Variants in PRKG1 observed in about 807,000 individuals in gnomAD.
The protein encoded by PRKG1 is protein kinase cGMP-dependent 1, also known as cGMP-dependent protein kinase 1.
A neutral mutation model predicts 88.1 loss-of-function variants in PRKG1; 35 were observed. That is an observed-to-expected ratio of 0.40 (90% CI 0.30 to 0.53). The LOEUF is 0.53. Among genes scored for constraint, PRKG1 ranks in the 20% least tolerant of loss-of-function variants. The pLI is 0.59. For synonymous variants in PRKG1, 303 were observed against 292.5 expected (o/e 1.04, Z -0.37); for missense variants, 540 against 839.8 (o/e 0.64, Z 4.41).
rs1041497662 is a variant in PRKG1, at chr10:51,289,686, G to A, written c.478+136356G>A. ...AGATTCCATGAGAGAGAGAGAGAGAGAGAGTTTGTGGGGTGTGTGTCTGGG... is the reference window on the plus strand; with the variant it reads ...AGATTCCATGAGAGAGAGAGAGAGAAAGAGTTTGTGGGGTGTGTGTCTGGG... On this transcript the variant is annotated intron_variant, in intron 2 of 17. Transcript: ENST00000373980. Among the ~76,000 whole-genome samples the A allele has an allele frequency of 3.7e-4, 56 of 152,060 alleles. 2 individuals are homozygous for A. The highest frequency in any genetic ancestry group is 1.5e-5 in the Non-Finnish European group (1 of 68,002).
intron 2 of PRKG1, among the ~76,000 whole-genome samples, chr10:51,417,549 T>C (rs1444681534): frequency 1.3e-5 from 2 of 152,160 alleles, no homozygotes; most frequent in African/African-American, 2.4e-5. Flanking sequence ...ATTAAGGTCA[T>C]AAAATGATAA....
chr10:51,061,909 A>C (rs557635919), intron 1 of PRKG1, among the ~76,000 whole-genome samples: 1 of 152,226 alleles, frequency 6.6e-6, no homozygotes, highest in Non-Finnish European at 1.5e-5. Context: ...ATTTCTGATA[A>C]TTCCAATATC....
At chr10:52,269,611 C>T (rs1426711545) in intron 10 of PRKG1, among the ~76,000 whole-genome samples, 5 of 151,992 alleles carry the variant, frequency 3.3e-5, no homozygotes, top group Non-Finnish European at 5.9e-5. Flanking sequence ...AAATAATTAA[C>T]GACTAAAGAG....
At chr10:51,919,247 G>T (rs182231553) in intron 5 of PRKG1, among the ~76,000 whole-genome samples, 35 of 152,306 alleles carry the variant, frequency 2.3e-4, no homozygotes, top group Middle Eastern at 6.8e-3. Context: ...AGGGCAGGCA[G>T]TATTTTAGTA....
At chr10:51,226,610 A>T (rs1430106901) in intron 2 of PRKG1, among the ~76,000 whole-genome samples, 1 of 152,202 alleles carries the variant, frequency 6.6e-6, no homozygotes, top group African/African-American at 2.4e-5. Context: ...ATTCACAGAG[A>T]AGCTTAATAG....
intron 2 of PRKG1, among the ~76,000 whole-genome samples, chr10:51,365,948 T>TA (rs532328465): frequency 2.0e-5 from 3 of 148,230 alleles, no homozygotes; most frequent in Non-Finnish European, 4.5e-5. Context: ...AGAGACTAAA[T>TA]AAAAAAAATT....
intron 4 of PRKG1, among the ~76,000 whole-genome samples, chr10:51,817,351 C>G (rs1382443665): frequency 6.8e-6 from 1 of 147,544 alleles, no homozygotes; most frequent in Non-Finnish European, 1.5e-5. Flanking sequence ...TCCCCAACCC[C>G]CCCCCTCCCC....
chr10:51,964,786 G>A (rs1253877863), intron 5 of PRKG1, among the ~76,000 whole-genome samples: 1 of 152,142 alleles, frequency 6.6e-6, no homozygotes, highest in Non-Finnish European at 1.5e-5. Flanking sequence ...TCTTCCTTTT[G>A]TTGCCCAGCT....
chr10:51,257,392 C>T (rs12250170), intron 2 of PRKG1, among the ~76,000 whole-genome samples: 6,073 of 152,204 alleles, frequency 0.04, 174 homozygotes, highest in Middle Eastern at 0.092. Context: ...ATGCCTGGCA[C>T]ATGTTTATCT....
chr10:51,316,884 A>C (rs1482743386), intron 2 of PRKG1, among the ~76,000 whole-genome samples: 1 of 152,072 alleles, frequency 6.6e-6, no homozygotes, highest in Non-Finnish European at 1.5e-5. Context: ...ATGAGGCTTG[A>C]GATATTGTAC....
intron 2 of PRKG1, among the ~76,000 whole-genome samples, chr10:51,239,473 A>G (rs1839093408): frequency 6.6e-6 from 1 of 152,190 alleles, no homozygotes; most frequent in Admixed American, 6.5e-5. Context: ...AGTTAGCCAA[A>G]TGGCTAAATA....
intron 1 of PRKG1, among the ~76,000 whole-genome samples, chr10:51,133,517 A>G (rs575531268): frequency 6.6e-6 from 1 of 152,330 alleles, no homozygotes; most frequent in East Asian, 1.9e-4. Flanking sequence ...AATCATGGAC[A>G]AACATTGAGG....
chr10:51,975,887 C>G (rs772500524), intron 5 of PRKG1, among the ~76,000 whole-genome samples: 87 of 151,940 alleles, frequency 5.7e-4, no homozygotes, highest in Non-Finnish European at 6.8e-4. Flanking sequence ...AAGGGACTTG[C>G]ATTCAAAATA....
intron 3 of PRKG1, among the ~76,000 whole-genome samples, chr10:51,549,282 G>A (rs1299265167): frequency 1.3e-5 from 2 of 151,116 alleles, no homozygotes; most frequent in Non-Finnish European, 3.0e-5. Flanking sequence ...GTGCCACCAC[G>A]CCCAGCTAAT....
intron 3 of PRKG1, among the ~76,000 whole-genome samples, chr10:51,712,445 C>T (rs188369492): frequency 2.6e-5 from 4 of 152,124 alleles, no homozygotes; most frequent in East Asian, 1.9e-4. Flanking sequence ...ACTCTATTGA[C>T]GTTTATCTAT....
intron 2 of PRKG1, among the ~76,000 whole-genome samples, chr10:51,341,527 G>A (rs1486314402): frequency 2.0e-5 from 3 of 152,148 alleles, no homozygotes; most frequent in African/African-American, 7.2e-5. Flanking sequence ...CAAGTGTTAT[G>A]GCTGGGAACT....
intron 3 of PRKG1, among the ~76,000 whole-genome samples, chr10:51,481,658 A>T (rs1840364537): frequency 2.0e-5 from 3 of 152,174 alleles, no homozygotes; most frequent in African/African-American, 7.2e-5. Context: ...TTATTGGCGT[A>T]ATTCTCTCAG....
Position 52,296,839 on chromosome 10 carries a change from A to G in PRKG1, c.*2939A>G, listed in dbSNP as rs964981506. The G allele has an allele frequency of 1.3e-5, 2 of 152,146 alleles. No individual in the cohort carries two copies. Among genetic ancestry groups the G allele is most frequent in the African/African-American group, 4.8e-5 (2 of 41,460 alleles). 9.4% of individuals were successfully genotyped at this position (152,146 alleles called of 1,614,324 possible). On this transcript the variant is annotated 3_prime_UTR_variant, in exon 18 of 18. Coordinates refer to ENST00000373980, the MANE Select transcript of PRKG1 (RefSeq NM_006258.4). ...CTTCTTTCTTATTAAGACATGAATC[A>G]GATCCATGTGGCATTCAAAACAAAT...
intron 2 of PRKG1, among the ~76,000 whole-genome samples, chr10:51,195,679 A>G (rs1346352329): frequency 6.6e-6 from 1 of 152,178 alleles, no homozygotes; most frequent in Non-Finnish European, 1.5e-5. Flanking sequence ...TTAGCTCTCC[A>G]TTTCTTTAAG....
Sources: gnomAD v4.1 joint callset for allele counts (sites outside exome capture counted in the v4.1 genomes callset) on GRCh38, gnomAD v4.1.1 for gene constraint, MANE v1.5 for transcripts, NCBI Gene and HGNC (gene_info 2026-07-23, HGNC 2026-07-21) for gene names.